ERO1B: variants seen among roughly 807,000 people sequenced by gnomAD.
ERO1B encodes the protein ERO1-like protein beta.
A neutral mutation model predicts 75.3 loss-of-function variants in ERO1B; 49 were observed. The ratio of observed to expected loss-of-function variants is 0.65; its 90% confidence interval spans 0.52 to 0.83. ERO1B has a LOEUF of 0.83. Ranked by LOEUF, ERO1B falls within the 40% of genes least tolerant of loss-of-function variation. The pLI is 0.00. For missense variants in ERO1B, 512 were observed against 560.1 expected (o/e 0.91, Z 0.87); for synonymous variants, 191 against 192.9 (o/e 0.99, Z 0.08).
At position 236,218,420 on chromosome 1, in the gene ERO1B, C is replaced by G; in HGVS notation, c.*96G>C. On this transcript the variant is annotated 3_prime_UTR_variant, in exon 16 of 16. Transcript: ENST00000354619. Reference sequence around the variant, plus strand: ...ATTTTCTATTTAATAGTTCAGAATTCTTGAAGTCAGATTAGTGTCTTTCTG... The same window carrying G: ...ATTTTCTATTTAATAGTTCAGAATTGTTGAAGTCAGATTAGTGTCTTTCTG... 8.4e-7 allele frequency: 1 copy of G among 1,193,270 alleles called. No individual in the cohort carries two copies. The highest frequency in any genetic ancestry group is 1.1e-6 in the Non-Finnish European group (1 of 926,160). The allele number at this position is 1,193,270 out of a possible 1,614,324, so 73.9% of individuals were successfully genotyped here. A position where few individuals can be genotyped will look rare whatever the true frequency, so the allele number is the denominator to read the frequency against.
intron 5 of ERO1B, among the ~76,000 whole-genome samples, chr1:236,245,138 C>T (rs1024841719): frequency 6.6e-5 from 10 of 150,486 alleles, no homozygotes; most frequent in African/African-American, 1.7e-4. Context: ...TATAGACATA[C>T]GCCAACACAT....
intron 9 of ERO1B, 53 bp downstream of exon 9, chr1:236,232,775 G>A: frequency 1.3e-6 from 2 of 1,533,708 alleles, no homozygotes; most frequent in South Asian, 1.3e-5. Flanking sequence ...AATTCTGATT[G>A]TTACAAAAAA....
At chr1:236,237,116 C>CT (rs67072171) in intron 6 of ERO1B, among the ~76,000 whole-genome samples, 50,319 of 105,316 alleles carry the variant, frequency 0.48, 15,257 homozygotes, top group Non-Finnish European at 0.62. Flanking sequence ...ACTATTTGGA[C>CT]TTTTTTTTTT....
chr1:236,249,087 G>A (rs558429443), intron 5 of ERO1B, among the ~76,000 whole-genome samples: 7 of 147,700 alleles, frequency 4.7e-5, no homozygotes, highest in Non-Finnish European at 8.9e-5. Context: ...GTGCAACGGT[G>A]TGATCTCAGC....
At chr1:236,276,212 TC>T (rs1665707943) in intron 1 of ERO1B, among the ~76,000 whole-genome samples, 1 of 152,232 alleles carries the variant, frequency 6.6e-6, no homozygotes, top group South Asian at 2.1e-4. Flanking sequence ...GTTTGTGATA[TC>T]TATTAATCCT....
chr1:236,225,633 AT>A (rs1326411705), intron 12 of ERO1B, among the ~76,000 whole-genome samples: 5 of 152,218 alleles, frequency 3.3e-5, no homozygotes, highest in African/African-American at 1.2e-4. Flanking sequence ...TATCATCTAA[AT>A]TTAAATATAG....
chr1:236,232,771 G>C, intron 9 of ERO1B, 57 bp downstream of exon 9: 2 of 1,526,754 alleles, frequency 1.3e-6, no homozygotes, highest in East Asian at 4.6e-5. Context: ...ATCAAATTCT[G>C]ATTGTTACAA....
intron 6 of ERO1B, 53 bp from the exon 7 acceptor site, chr1:236,236,451 AT>A: frequency 1.3e-6 from 2 of 1,599,154 alleles, no homozygotes. Flanking sequence ...TTTATCTAAG[AT>A]TTAACAGTAC....
At chr1:236,255,928 T>C (rs1665149177) in intron 2 of ERO1B, among the ~76,000 whole-genome samples, 1 of 152,182 alleles carries the variant, frequency 6.6e-6, no homozygotes, top group Non-Finnish European at 1.5e-5. Flanking sequence ...GCAACTCCAT[T>C]ATTCTAGTTC....
intron 6 of ERO1B, among the ~76,000 whole-genome samples, chr1:236,240,448 C>T (rs752950441): frequency 3.3e-5 from 5 of 152,006 alleles, no homozygotes; most frequent in Admixed American, 6.6e-5. Context: ...CATCACCAAC[C>T]CTACCCCAAA....
Position 236,216,753 on chromosome 1 carries a change from G to C in ERO1B, c.*1763C>G, listed in dbSNP as rs1012397323. The C allele has an allele frequency of 6.6e-6, 1 of 151,968 alleles. No homozygotes were observed. Among genetic ancestry groups the C allele is most frequent in the African/African-American group, 2.4e-5 (1 of 41,402 alleles). The allele number at this position is 151,968 out of a possible 1,614,324, so 9.4% of individuals were successfully genotyped here. A position where few individuals can be genotyped will look rare whatever the true frequency, so the allele number is the denominator to read the frequency against. On this transcript the variant is annotated 3_prime_UTR_variant, in exon 16 of 16. Coordinates refer to ENST00000354619, the MANE Select transcript of ERO1B (RefSeq NM_019891.4). The stretch of plus-strand genomic sequence containing the variant: ...CATTTAGAGTGATAAACAAAGTGCA[G>C]ATTTTTCACATCTTAAACTCTGAGT...
chr1:236,251,608 AAATAT>A (rs1665031885), intron 4 of ERO1B, among the ~76,000 whole-genome samples: 1 of 152,166 alleles, frequency 6.6e-6, no homozygotes, highest in African/African-American at 2.4e-5. Flanking sequence ...ATCAATGGCA[AAATAT>A]AATACTCTCA....
At chr1:236,267,857 T>C (rs1263101886) in intron 2 of ERO1B, 1 of 152,164 alleles carries the variant, frequency 6.6e-6, no homozygotes, top group Non-Finnish European at 1.5e-5. Flanking sequence ...GAGAACAATA[T>C]ATTACATGGA....
chr1:236,270,553 A>G (rs575045061), intron 1 of ERO1B, among the ~76,000 whole-genome samples: 19 of 152,258 alleles, frequency 1.2e-4, no homozygotes, highest in African/African-American at 4.3e-4. Context: ...AATCTATCAG[A>G]CTTTAAAATC....
intron 6 of ERO1B, 130 bp from the exon 7 acceptor site, chr1:236,236,528 T>C: frequency 2.2e-6 from 2 of 903,388 alleles, no homozygotes; most frequent in Non-Finnish European, 3.3e-6. Flanking sequence ...CCAACTTAAA[T>C]GGTATAGTGG....
intron 1 of ERO1B, among the ~76,000 whole-genome samples, chr1:236,278,177 G>A (rs1169551611): frequency 6.6e-6 from 1 of 151,990 alleles, no homozygotes; most frequent in African/African-American, 2.4e-5. Context: ...GAAACCCAGG[G>A]CACACAAATT....
chr1:236,232,069 T>C (rs1664423465), intron 9 of ERO1B, among the ~76,000 whole-genome samples: 1 of 152,172 alleles, frequency 6.6e-6, no homozygotes, highest in African/African-American at 2.4e-5. Flanking sequence ...TATTCAAAAT[T>C]CACCTCAAAT....
chr1:236,243,644 G>A (rs3768103), intron 5 of ERO1B, 149 bp from the exon 6 acceptor site: 30,223 of 480,732 alleles, frequency 0.063, 3,015 homozygotes, highest in East Asian at 0.4. Context: ...TACATGAAGG[G>A]ATGACAAAAA....
At chr1:236,271,709 C>T (rs1260687705) in intron 1 of ERO1B, among the ~76,000 whole-genome samples, 1 of 151,766 alleles carries the variant, frequency 6.6e-6, no homozygotes, top group Admixed American at 6.6e-5. Flanking sequence ...CTGCCAGTGT[C>T]CTTTAAGCTC....
Sources: gnomAD v4.1 joint callset for allele counts (sites outside exome capture counted in the v4.1 genomes callset) on GRCh38, gnomAD v4.1.1 for gene constraint, MANE v1.5 for transcripts, NCBI Gene and HGNC (gene_info 2026-07-23, HGNC 2026-07-21) for gene names.